Variants in BRINP3 observed in about 807,000 individuals in gnomAD.
BRINP3 encodes the protein BMP/retinoic acid inducible neural specific 3.
BRINP3 carries 19 observed loss-of-function variants against 71.0 expected under a neutral mutation model. The observed-to-expected ratio is 0.27, with a 90% CI of 0.19 to 0.39. The LOEUF (loss-of-function observed/expected upper bound fraction) is 0.39, where lower values mean the gene tolerates loss of function less well. Ranked by LOEUF, BRINP3 falls within the 10% of genes least tolerant of loss-of-function variation. The pLI is 1.00. For synonymous variants in BRINP3, 380 were observed against 337.7 expected, an observed-to-expected ratio of 1.13 and a Z score of -1.37; for missense variants, 959 against 940.8, an observed-to-expected ratio of 1.02 and a Z score of -0.25.
At chr1:190,283,556 A>G (rs576132220) in intron 2 of BRINP3, among the ~76,000 whole-genome samples, 1 of 151,420 alleles carries the variant, frequency 6.6e-6, no homozygotes, top group Admixed American at 6.6e-5. Context: ...TGATATCAAT[A>G]AATTTTTATG....
chr1:190,147,402 A>G (rs1015900087), intron 7 of BRINP3, among the ~76,000 whole-genome samples: 3 of 152,148 alleles, frequency 2.0e-5, no homozygotes, highest in Non-Finnish European at 4.4e-5. Context: ...TGAGTTGATT[A>G]TTCTATTAAT....
intron 2 of BRINP3, among the ~76,000 whole-genome samples, chr1:190,428,590 T>C (rs1673881542): frequency 1.3e-5 from 2 of 152,222 alleles, no homozygotes; most frequent in Non-Finnish European, 2.9e-5. Context: ...CCACCAAAAA[T>C]TATTCTTTCA....
intron 2 of BRINP3, among the ~76,000 whole-genome samples, chr1:190,366,583 C>T (rs1420590516): frequency 6.6e-6 from 1 of 152,144 alleles, no homozygotes; most frequent in African/African-American, 2.4e-5. Context: ...AAAGTCTTAA[C>T]TTCTTCCACC....
intron 6 of BRINP3, among the ~76,000 whole-genome samples, chr1:190,164,452 A>G (rs1457138476): frequency 1.3e-5 from 2 of 152,128 alleles, no homozygotes; most frequent in African/African-American, 4.8e-5. Context: ...GCTTGCTTTT[A>G]TGATTGTTAT....
At chr1:190,445,553 C>G (rs1179496650) in intron 2 of BRINP3, among the ~76,000 whole-genome samples, 2 of 149,338 alleles carry the variant, frequency 1.3e-5, no homozygotes, top group Admixed American at 1.3e-4. Context: ...CATACACACA[C>G]GCACGTGCAT....
At chr1:190,118,741 C>G (rs560191318) in intron 7 of BRINP3, among the ~76,000 whole-genome samples, 1 of 152,154 alleles carries the variant, frequency 6.6e-6, no homozygotes. Context: ...GTATTTCCTT[C>G]AGGCAATTAA....
intron 2 of BRINP3, among the ~76,000 whole-genome samples, chr1:190,395,781 T>A (rs1474564891): frequency 1.3e-5 from 2 of 151,776 alleles, no homozygotes; most frequent in Non-Finnish European, 2.9e-5. Context: ...TTTATTCAGT[T>A]GTAGGAACTT....
intron 2 of BRINP3, among the ~76,000 whole-genome samples, chr1:190,422,298 A>C (rs1483507817): frequency 6.6e-6 from 1 of 151,884 alleles, no homozygotes; most frequent in Non-Finnish European, 1.5e-5. Context: ...GTGGTCGATT[A>C]GTCATTTTCA....
chr1:190,369,143 T>C (rs564715737), intron 2 of BRINP3, among the ~76,000 whole-genome samples: 15 of 152,228 alleles, frequency 9.9e-5, no homozygotes, highest in African/African-American at 2.6e-4. Context: ...ATATCTGTAA[T>C]ATTAATAAAG....
chr1:190,171,225 T>C (rs1272914878), intron 6 of BRINP3, among the ~76,000 whole-genome samples: 3 of 152,182 alleles, frequency 2.0e-5, no homozygotes, highest in Non-Finnish European at 4.4e-5. Context: ...GAAATCAGCA[T>C]ACATGCACAA....
intron 2 of BRINP3, among the ~76,000 whole-genome samples, chr1:190,367,328 C>G (rs1310052662): frequency 6.6e-6 from 1 of 152,172 alleles, no homozygotes; most frequent in East Asian, 1.9e-4. Context: ...CCCTTGTAGC[C>G]ATGGCTGGAG....
At chr1:190,180,648 T>A (rs1306485977) in intron 6 of BRINP3, among the ~76,000 whole-genome samples, 1 of 152,030 alleles carries the variant, frequency 6.6e-6, no homozygotes, top group Non-Finnish European at 1.5e-5. Context: ...ATAAATTGCT[T>A]AACAAGTCAC....
chr1:190,203,750 AATATATATATATATATATATAT>A (rs553650706), intron 6 of BRINP3, among the ~76,000 whole-genome samples: 2,718 of 39,216 alleles, frequency 0.069, 276 homozygotes, highest in South Asian at 0.081. Context: ...CACTAAAGAA[AATATATATATATATATATATAT>A]ATATATATAT....
rs556666353 is a variant in BRINP3 at position 190,349,145 on chromosome 1, G to C, written c.237-67395C>G. ...CTAAGCTCGGGTATATCTGGCATGT[G>C]AGGGACAACTGACACCAGAAAATGA... On this transcript the variant is annotated intron_variant, in intron 2 of 7. Coordinates refer to ENST00000367462, the MANE Select transcript of BRINP3 (RefSeq NM_199051.3). Among the ~76,000 whole-genome samples, 113 of 152,204 alleles carry C rather than the reference G, an allele frequency of 7.4e-4. 3 individuals are homozygous for C. The highest frequency in any genetic ancestry group is 4.1e-4 in the Non-Finnish European group (28 of 67,994).
chr1:190,256,851 G>A (rs1035938067), intron 4 of BRINP3, among the ~76,000 whole-genome samples: 1 of 152,184 alleles, frequency 6.6e-6, no homozygotes, highest in African/African-American at 2.4e-5. Context: ...TCTGCAGGTA[G>A]AACTTCTTTT....
chr1:190,475,393 A>T (rs753047916), intron 1 of BRINP3, among the ~76,000 whole-genome samples: 9 of 152,210 alleles, frequency 5.9e-5, no homozygotes, highest in Non-Finnish European at 8.8e-5. Flanking sequence ...AAGGTTGGAA[A>T]TGGAGCATTC....
At chr1:190,407,014 T>C (rs930415772) in intron 2 of BRINP3, among the ~76,000 whole-genome samples, 2 of 152,164 alleles carry the variant, frequency 1.3e-5, no homozygotes, top group Non-Finnish European at 2.9e-5. Flanking sequence ...ACAGAATGTA[T>C]GCCAGTTCAT....
intron 2 of BRINP3, among the ~76,000 whole-genome samples, chr1:190,406,958 A>T (rs1235922994): frequency 6.6e-6 from 1 of 152,184 alleles, no homozygotes; most frequent in Non-Finnish European, 1.5e-5. Context: ...AACTGATCTT[A>T]CGATATTTCT....
intron 2 of BRINP3, among the ~76,000 whole-genome samples, chr1:190,324,714 TC>T (rs1256222176): frequency 1.3e-5 from 2 of 151,860 alleles, no homozygotes; most frequent in Non-Finnish European, 2.9e-5. Flanking sequence ...ATAATAGATA[TC>T]CATGTTTATA....
Sources: gnomAD v4.1 joint callset for allele counts (sites outside exome capture counted in the v4.1 genomes callset) on GRCh38, gnomAD v4.1.1 for gene constraint, MANE v1.5 for transcripts, NCBI Gene and HGNC (gene_info 2026-07-23, HGNC 2026-07-21) for gene names.